ZNF143: variants seen among roughly 807,000 people sequenced by gnomAD.
The protein encoded by ZNF143 is SPH-binding factor.
Under a neutral mutation model 74.1 loss-of-function variants are expected in ZNF143, and 49 were observed. The ratio of observed to expected loss-of-function variants is 0.66; its 90% CI spans 0.53 to 0.84. The LOEUF (loss-of-function observed/expected upper bound fraction) is 0.84, where lower values mean the gene tolerates loss of function less well. ZNF143 is among the 40% of genes least tolerant of loss of function. The probability of loss-of-function intolerance (pLI) is 0.00; values close to 1 mark genes in which losing one functional copy is unlikely to be tolerated. For missense variants in ZNF143, 637 were observed against 793.4 expected, an observed-to-expected ratio of 0.80 and a Z score of 2.37; for synonymous variants, 304 against 282.8, an observed-to-expected ratio of 1.07 and a Z score of -0.75.
intron 7 of ZNF143, among the ~76,000 whole-genome samples, chr11:9,486,401 AT>A (rs1565038992): frequency 0.038 from 1,096 of 29,160 alleles, 87 homozygotes; most frequent in African/African-American, 0.13. Context: ...TATATAATAT[AT>A]TATATATATA....
At position 9,527,520 on chromosome 11, in the gene ZNF143, CCT is replaced by C; in HGVS notation, c.1834-9_1834-8del. 6.2e-7 allele frequency: 1 copy of C among 1,613,682 alleles called. No homozygotes were observed. The highest frequency in any genetic ancestry group is 8.5e-7 in the Non-Finnish European group (1 of 1,179,730). On this transcript the variant is annotated splice_region_variant and splice_polypyrimidine_tract_variant and intron_variant, in intron 15 of 15. Transcript: ENST00000396602. ...ATTGTTAGCGTTTGATGTGTGTGTT[CCT>C]GTTTCAGCTTGGAGAACAGCCATCT...
chr11:9,474,466 A>G, intron 4 of ZNF143, 84 bp from the exon 5 acceptor site: 1 of 1,340,984 alleles, frequency 7.5e-7, no homozygotes, highest in Non-Finnish European at 1.1e-6. Context: ...TAATGTGTTA[A>G]TGGTTTATTG....
chr11:9,472,636 A>G (rs1317332609), intron 2 of ZNF143, 41 bp from the exon 3 acceptor site: 1 of 1,525,964 alleles, frequency 6.6e-7, no homozygotes, highest in African/African-American at 1.4e-5. Flanking sequence ...GCATGTCCAT[A>G]TGCTAGCTGT....
At chr11:9,486,697 C>G (rs1847566820) in intron 7 of ZNF143, among the ~76,000 whole-genome samples, 1 of 149,174 alleles carries the variant, frequency 6.7e-6, no homozygotes, top group Admixed American at 6.7e-5. Flanking sequence ...GAGACAGAGT[C>G]TCACTCTGTC....
At chr11:9,479,050 G>T (rs1319322323) in intron 6 of ZNF143, among the ~76,000 whole-genome samples, 1 of 150,416 alleles carries the variant, frequency 6.6e-6, no homozygotes, top group African/African-American at 2.4e-5. Context: ...GAAAAGTAAA[G>T]TCTCAAGTTT....
At chr11:9,486,420 T>TATAATATATATTATATATATAA (rs368754514) in intron 7 of ZNF143, among the ~76,000 whole-genome samples, 4 of 31,038 alleles carry the variant, frequency 1.3e-4, no homozygotes, top group Non-Finnish European at 1.9e-4. Context: ...ATAATATATA[T>TATAATATATATTATATATATAA]TATATATATT....
intron 14 of ZNF143, among the ~76,000 whole-genome samples, chr11:9,522,142 A>G (rs1238652267): frequency 6.6e-6 from 1 of 151,794 alleles, no homozygotes; most frequent in East Asian, 1.9e-4. Context: ...CTTGTATTGG[A>G]AAAAAAAGGT....
At chr11:9,517,126 A>G (rs1172310665) in intron 14 of ZNF143, among the ~76,000 whole-genome samples, 4 of 151,518 alleles carry the variant, frequency 2.6e-5, no homozygotes, top group African/African-American at 7.3e-5. Flanking sequence ...GGGTCTCACT[A>G]TGTTGCCCAG....
At chr11:9,484,092 T>A (rs1057465195) in intron 7 of ZNF143, among the ~76,000 whole-genome samples, 1 of 151,604 alleles carries the variant, frequency 6.6e-6, no homozygotes, top group Admixed American at 6.6e-5. Context: ...TGTGACTTAT[T>A]ATATTTCTCT....
chr11:9,494,665 C>T lies in ZNF143; in HGVS notation c.665C>T (p.Ala222Val). The T allele has an allele frequency of 6.2e-7, 1 of 1,613,828 alleles. No homozygotes were observed. The highest frequency in any genetic ancestry group is 8.5e-7 in the Non-Finnish European group (1 of 1,179,798). ...ATTTAGATTGTTTTACAAGGACATG[C>T]TACAAGAGTAACTGCTAAATCTCAA... Reference protein sequence around the residue: ...KKMQIVLQGHATRVTAKSQQS... With the variant: ...KKMQIVLQGHVTRVTAKSQQS... Residue 222 changes from alanine to valine, a missense_variant, in exon 8 of 16, where the codon GCT (alanine) becomes GTT (valine). By Grantham distance (64) the Ala-to-Val change is moderately conservative (BLOSUM62 0). Coordinates refer to ENST00000396602, the MANE Select transcript of ZNF143 (RefSeq NM_003442.6).
In ZNF143 at chr11:9,471,376, C is replaced by T. The variant is rs762077968; in HGVS notation, c.68C>T (p.Ala23Val). 3 of 1,612,552 alleles carry T rather than the reference C, an allele frequency of 1.9e-6. No individual in the cohort carries two copies. The highest frequency in any genetic ancestry group is 2.2e-5 in the East Asian group (1 of 44,772). ...GAGTTTCCTGGAGGAGGGATGGAGG[C>T]GCAACATGTTACGCTGTGCTTGACA... ...MTEFPGGGME[A>V]QHVTLCLTEA... Residue 23 changes from alanine to valine, a missense_variant, in exon 2 of 16, where the codon GCG becomes GTG. Physicochemically the swap from Ala to Val is moderately conservative, Grantham distance 64. Coordinates refer to ENST00000396602, the MANE Select transcript of ZNF143 (RefSeq NM_003442.6).
intron 7 of ZNF143, among the ~76,000 whole-genome samples, chr11:9,489,530 T>C (rs1847690273): frequency 6.6e-6 from 1 of 152,210 alleles, no homozygotes; most frequent in South Asian, 2.1e-4. Flanking sequence ...TTTCGTTGGC[T>C]TAACTAAATT....
chr11:9,471,224 T>A (rs1856546523), intron 1 of ZNF143, 78 bp from the exon 2 acceptor site: 1 of 1,197,146 alleles, frequency 8.4e-7, no homozygotes, highest in Admixed American at 2.4e-5. Flanking sequence ...CAGCTTTTTG[T>A]GGTTCATAAA....
intron 7 of ZNF143, among the ~76,000 whole-genome samples, chr11:9,491,603 A>T (rs1422100910): frequency 1.3e-5 from 2 of 150,164 alleles, no homozygotes; most frequent in African/African-American, 4.9e-5. Context: ...GCACCACCTC[A>T]CTCCAGCCTG....
chr11:9,482,357 G>A (rs984555373), intron 7 of ZNF143, among the ~76,000 whole-genome samples: 7 of 148,428 alleles, frequency 4.7e-5, no homozygotes, highest in Admixed American at 1.4e-4. Context: ...TGTAAGCTCC[G>A]TCTCCCGGGT....
rs79337834 is a variant in ZNF143, at chr11:9,481,468, C to G, written c.645+1922C>G. ...ACCTAAGTCAACCTCTACTAAGATG[C>G]AAACACAGGGTAAATATGTGCGGGA... On this transcript the variant is annotated intron_variant, in intron 7 of 15. Transcript: ENST00000396602. Among the ~76,000 whole-genome samples, 677 of 152,200 alleles carry G rather than the reference C, an allele frequency of 4.4e-3. 25 individuals carry two copies. In the East Asian group the frequency reaches 0.082, roughly 19 times the overall value.
intron 7 of ZNF143, among the ~76,000 whole-genome samples, chr11:9,490,276 CTTTTT>C (rs367876245): frequency 9.9e-6 from 1 of 100,892 alleles, no homozygotes. Context: ...CACACTTAAG[CTTTTT>C]TTTTTTTTTT....
chr11:9,506,220 T>C (rs910622648), intron 11 of ZNF143, among the ~76,000 whole-genome samples: 1 of 152,182 alleles, frequency 6.6e-6, no homozygotes, highest in Admixed American at 6.5e-5. Context: ...TAATCCCAGC[T>C]ACTCAGGAGG....
chr11:9,516,213 C>A lies in ZNF143; in HGVS notation c.1537C>A (p.Gln513Lys). ...QDGTQHVNISQADMQAIGNTI... is the reference protein window; with the variant it reads ...QDGTQHVNISKADMQAIGNTI... ...CACTGTATTGCAGGTCAACATATCT[C>A]AAGCTGACATGCAGGCCATTGGCAA... Residue 513 changes from glutamine to lysine, a missense_variant, in exon 14 of 16, where the codon CAA becomes AAA. By Grantham distance (53) the Gln-to-Lys change is moderately conservative. Transcript: ENST00000396602. The A allele has an allele frequency of 6.2e-7, 1 of 1,613,884 alleles. No homozygotes were observed. The highest frequency in any genetic ancestry group is 8.5e-7 in the Non-Finnish European group (1 of 1,179,872).
Sources: gnomAD v4.1 joint callset for allele counts (sites outside exome capture counted in the v4.1 genomes callset) on GRCh38, gnomAD v4.1.1 for gene constraint, MANE v1.5 for transcripts, NCBI Gene and HGNC (gene_info 2026-07-23, HGNC 2026-07-21) for gene names.